The following DENND1B variants were observed in gnomAD, a reference collection of about 807,000 sequenced individuals.
DENND1B encodes the protein DENN domain containing 1B.
In DENND1B, 59 loss-of-function variants were observed where a neutral mutation model predicts 90.1. That is an observed-to-expected ratio of 0.65 (90% CI 0.53 to 0.81). The LOEUF is 0.81. DENND1B is among the 40% of genes least tolerant of loss of function. The pLI, the probability that DENND1B is intolerant of heterozygous loss-of-function variation, is 0.00. For missense variants in DENND1B, 862 were observed against 912.6 expected, an observed-to-expected ratio of 0.94 and a Z score of 0.71; for synonymous variants, 337 against 324.6, an observed-to-expected ratio of 1.04 and a Z score of -0.41.
At chr1:197,658,614 C>T (rs1358969960) in intron 5 of DENND1B, among the ~76,000 whole-genome samples, 1 of 151,418 alleles carries the variant, frequency 6.6e-6, no homozygotes, top group African/African-American at 2.4e-5. Flanking sequence ...TTTACATCAG[C>T]AATATTTAAA....
At chr1:197,545,699 G>A (rs1670761921) in intron 18 of DENND1B, 1 of 422,052 alleles carries the variant, frequency 2.4e-6, no homozygotes, top group Non-Finnish European at 4.1e-6. Context: ...CGATAGCTTT[G>A]GAATAAAATG....
At chr1:197,665,573 G>A (rs1654862023) in intron 5 of DENND1B, among the ~76,000 whole-genome samples, 1 of 152,082 alleles carries the variant, frequency 6.6e-6, no homozygotes, top group Admixed American at 6.6e-5. Flanking sequence ...AAGAGTCTCT[G>A]CCAGTCAAGA....
chr1:197,771,060 G>A (rs1472440931), intron 2 of DENND1B, among the ~76,000 whole-genome samples: 1 of 151,232 alleles, frequency 6.6e-6, no homozygotes, highest in African/African-American at 2.4e-5. Context: ...CACAGGCATA[G>A]GCCACCATGC....
intron 12 of DENND1B, among the ~76,000 whole-genome samples, chr1:197,610,524 CATGTT>C (rs1677089345): frequency 8.7e-5 from 13 of 149,562 alleles, no homozygotes; most frequent in Admixed American, 8.7e-4. Context: ...AATAAATAAA[CATGTT>C]ATAAAAATTA....
intron 2 of DENND1B, among the ~76,000 whole-genome samples, chr1:197,768,788 T>C (rs1656042057): frequency 6.6e-6 from 1 of 152,044 alleles, no homozygotes; most frequent in African/African-American, 2.4e-5. Context: ...CTTATGGCAT[T>C]TTTTTAGATT....
At chr1:197,735,665 G>C in intron 2 of DENND1B, 2 of 1,614,028 alleles carry the variant, frequency 1.2e-6, no homozygotes, top group Middle Eastern at 1.6e-4. Flanking sequence ...GTTTCAGCCG[G>C]TACAAGGTCT....
At chr1:197,781,849 G>T in the DENND1B span, among the ~76,000 whole-genome samples, 1 of 152,110 alleles carries the variant, frequency 6.6e-6, no homozygotes, top group Non-Finnish European at 1.5e-5. Flanking sequence ...TCAATGGGTC[G>T]ATGATGATAT....
rs1386215462 is a variant in DENND1B at position 197,506,730 on chromosome 1, T to C, written c.*3730A>G. On this transcript the variant is annotated 3_prime_UTR_variant, in exon 23 of 23. Transcript: ENST00000620048. ...AATAGCACTAGTAACAGCAGTCACA[T>C]AGTTTTTATTTAGAAGGGAGAGACT... The C allele has an allele frequency of 6.6e-6, 1 of 151,526 alleles. No individual in the cohort carries two copies. Among genetic ancestry groups the C allele is most frequent in the East Asian group, 1.9e-4 (1 of 5,140 alleles). The allele number at this position is 151,526 out of a possible 1,614,324, so 9.4% of individuals were successfully genotyped here. A position where few individuals can be genotyped will look rare whatever the true frequency, so the allele number is the denominator to read the frequency against.
At chr1:197,726,057 T>C (rs575078248) in intron 2 of DENND1B, among the ~76,000 whole-genome samples, 2 of 151,660 alleles carry the variant, frequency 1.3e-5, no homozygotes, top group African/African-American at 2.4e-5. Flanking sequence ...CACATACACA[T>C]ATATATAGAC....
chr1:197,751,182 G>C (rs974615044), intron 2 of DENND1B, among the ~76,000 whole-genome samples: 2 of 152,080 alleles, frequency 1.3e-5, no homozygotes, highest in East Asian at 3.9e-4. Context: ...ACCACCTCGT[G>C]GGCCATAAAA....
At chr1:197,597,410 A>G (rs1045528836) in intron 13 of DENND1B, among the ~76,000 whole-genome samples, 1 of 151,634 alleles carries the variant, frequency 6.6e-6, no homozygotes, top group Non-Finnish European at 1.5e-5. Flanking sequence ...TTTTTTTAAA[A>G]GATTTTTACT....
chr1:197,568,987 G>T (rs746523411), intron 15 of DENND1B, among the ~76,000 whole-genome samples: 1 of 152,016 alleles, frequency 6.6e-6, no homozygotes, highest in Non-Finnish European at 1.5e-5. Flanking sequence ...ATAACAGAGT[G>T]AAGAGACAAT....
intron 18 of DENND1B, among the ~76,000 whole-genome samples, chr1:197,545,069 G>GAATAATAAT (rs76235292): frequency 3.1e-5 from 4 of 130,698 alleles, no homozygotes; most frequent in African/African-American, 1.2e-4. Context: ...AGAAGAAGAA[G>GAATAATAAT]AATTCCAAGA....
intron 6 of DENND1B, 56 bp downstream of exon 6, chr1:197,658,244 A>G: frequency 7.4e-7 from 1 of 1,358,330 alleles, no homozygotes. Context: ...TAAAATGGTA[A>G]GTTTTGTGTT....
intron 20 of DENND1B, among the ~76,000 whole-genome samples, chr1:197,535,916 G>A (rs1669842903): frequency 6.6e-6 from 1 of 152,072 alleles, no homozygotes; most frequent in Non-Finnish European, 1.5e-5. Context: ...CAAGGACACA[G>A]AGAAGCTGAG....
At chr1:197,656,265 CA>C (rs1653814503) in intron 6 of DENND1B, among the ~76,000 whole-genome samples, 1 of 150,274 alleles carries the variant, frequency 6.7e-6, no homozygotes, top group African/African-American at 2.5e-5. Flanking sequence ...TGTAGATGGA[CA>C]AAAAAGGCCC....
chr1:197,585,084 C>G (rs1434472359), intron 14 of DENND1B, among the ~76,000 whole-genome samples: 1 of 152,114 alleles, frequency 6.6e-6, no homozygotes, highest in Non-Finnish European at 1.5e-5. Context: ...ATATTTTCCA[C>G]TATCACAGAA....
At chr1:197,627,837 G>A (rs1169933012) in intron 10 of DENND1B, among the ~76,000 whole-genome samples, 6 of 152,066 alleles carry the variant, frequency 3.9e-5, no homozygotes, top group African/African-American at 1.4e-4. Flanking sequence ...AAAGTCTCAG[G>A]ATACAAAATC....
chr1:197,654,917 C>T (rs1448854215), intron 6 of DENND1B, among the ~76,000 whole-genome samples: 1 of 152,060 alleles, frequency 6.6e-6, no homozygotes, highest in Admixed American at 6.6e-5. Context: ...AATGTCTATA[C>T]CATTTTAGCT....
Sources: gnomAD v4.1 joint callset for allele counts (sites outside exome capture counted in the v4.1 genomes callset) on GRCh38, gnomAD v4.1.1 for gene constraint, MANE v1.5 for transcripts, NCBI Gene and HGNC (gene_info 2026-07-23, HGNC 2026-07-21) for gene names.